Variants in FXN observed in about 807,000 individuals in gnomAD.
FXN encodes frataxin.
Under a neutral mutation model 22.4 loss-of-function variants are expected in FXN, and 14 were observed. That is an observed-to-expected ratio of 0.62 (90% CI 0.41 to 0.98). The LOEUF is 0.98. FXN is among the 50% of genes least tolerant of loss of function. The pLI, the probability that FXN is intolerant of heterozygous loss-of-function variation, is 0.00. For synonymous variants in FXN, 120 were observed against 114.1 expected (o/e 1.05, Z -0.33); for missense variants, 267 against 268.4 (o/e 0.99, Z 0.04).
chr9:69,078,261 T>C lies in FXN; in HGVS notation c.*5499T>C, dbSNP rs1564343971. The C allele has an allele frequency of 7.1e-6, 7 of 985,306 alleles. No homozygotes were observed. The highest frequency in any genetic ancestry group is 1.7e-5 in the African/African-American group (1 of 57,234). 61.0% of individuals were successfully genotyped at this position (985,306 alleles called of 1,614,324 possible). A position where few individuals can be genotyped will look rare whatever the true frequency, so the allele number is the denominator to read the frequency against. ...AAGTGAATGGTGCCACTGACAGTTA[T>C]GCAAACCGTCCAGAGCATAGCCACC... On this transcript the variant is annotated 3_prime_UTR_variant, in exon 5 of 5. Transcript: ENST00000484259.
chr9:69,054,797 G>A lies in FXN; in HGVS notation c.384+1537G>A, dbSNP rs147457654. The stretch of plus-strand genomic sequence containing the variant: ...GCTAGGATTACAGGTGTGAGCCACC[G>A]CGCCTGGCTCCTCAAAGATGTTAAT... On this transcript the variant is annotated intron_variant, in intron 3 of 4. Coordinates refer to ENST00000484259, the MANE Select transcript of FXN (RefSeq NM_000144.5). Among the ~76,000 whole-genome samples, 881 of 152,272 alleles carry A rather than the reference G, an allele frequency of 5.8e-3. 3 individuals are homozygous for A. Among genetic ancestry groups the A allele is most frequent in the African/African-American group, 0.014 (567 of 41,546 alleles).
chr9:69,060,363 T>C (rs1192313630), intron 3 of FXN, among the ~76,000 whole-genome samples: 1 of 145,132 alleles, frequency 6.9e-6, no homozygotes, highest in East Asian at 2.0e-4. Context: ...AGAGCGAGAC[T>C]CCATCTCAAA....
chr9:69,042,300 C>T (rs1486325639), intron 1 of FXN, among the ~76,000 whole-genome samples: 3 of 151,944 alleles, frequency 2.0e-5, no homozygotes, highest in Non-Finnish European at 2.9e-5. Context: ...CTTTGCCTCC[C>T]TCAAGCAGAA....
At chr9:69,066,234 A>G (rs1219705202) in intron 4 of FXN, among the ~76,000 whole-genome samples, 1 of 152,252 alleles carries the variant, frequency 6.6e-6, no homozygotes, top group Non-Finnish European at 1.5e-5. Context: ...AGATAAAACT[A>G]GCATAGAATT....
intron 3 of FXN, among the ~76,000 whole-genome samples, chr9:69,058,705 G>A (rs1832008396): frequency 6.6e-6 from 1 of 152,148 alleles, no homozygotes; most frequent in African/African-American, 2.4e-5. Context: ...AGACTCCACG[G>A]TGTGCCACGT....
intron 2 of FXN, among the ~76,000 whole-genome samples, chr9:69,046,885 G>T (rs1432227075): frequency 1.3e-5 from 2 of 152,122 alleles, no homozygotes; most frequent in African/African-American, 4.8e-5. Context: ...CTTCCAGTTT[G>T]GTCTTTATCT....
rs575394221 is a variant in FXN, at chr9:69,077,882, A to G, written c.*5120A>G. ...GTGGTGGAGGTTGCAGTGAGCCGAG[A>G]TTACACCACTGCACTCCAGCCTGGG... On this transcript the variant is annotated 3_prime_UTR_variant, in exon 5 of 5. Coordinates refer to ENST00000484259, the MANE Select transcript of FXN (RefSeq NM_000144.5). 1 of 897,786 alleles carries G rather than the reference A, an allele frequency of 1.1e-6. No homozygotes were observed. Among genetic ancestry groups the G allele is most frequent in the East Asian group, 1.2e-4 (1 of 8,268 alleles). 55.6% of individuals were successfully genotyped at this position (897,786 alleles called of 1,614,324 possible). A position where few individuals can be genotyped will look rare whatever the true frequency, so the allele number is the denominator to read the frequency against.
Position 69,035,876 on chromosome 9 carries a change from G to C in FXN, c.94G>C (p.Glu32Gln), listed in dbSNP as rs555289797. 1.3e-6 allele frequency: 2 copies of C among 1,495,042 alleles called. No individual in the cohort carries two copies. The highest frequency in any genetic ancestry group is 1.5e-5 in the African/African-American group (1 of 68,768). The allele number at this position is 1,495,042 out of a possible 1,614,324, so 92.6% of individuals were successfully genotyped here. The change falls in exon 1 of 5, where the codon GAG becomes CAG. Residue 32 changes from glutamate to glutamine, a missense_variant. By Grantham distance (29) the Glu-to-Gln change is conservative. Transcript: ENST00000484259. Reference protein sequence around the residue: ...QTLTRVPRPAELAPLCGRRGL... With the variant: ...QTLTRVPRPAQLAPLCGRRGL... ...CCTCACCCGGGTCCCGCGGCCGGCA[G>C]AGTTGGCCCCACTCTGCGGCCGCCG...
intron 4 of FXN, among the ~76,000 whole-genome samples, chr9:69,068,906 A>G (rs1832221629): frequency 1.3e-5 from 2 of 152,198 alleles, no homozygotes; most frequent in African/African-American, 4.8e-5. Context: ...GGCCTCCTGA[A>G]CTTCCCCGAG....
chr9:69,046,604 A>G, intron 2 of FXN, 122 bp downstream of exon 2: 1 of 718,130 alleles, frequency 1.4e-6, no homozygotes, highest in South Asian at 1.5e-5. Flanking sequence ...GTGACTGAGT[A>G]TCCACCACAT....
chr9:69,049,143 G>A (rs1418718228), intron 2 of FXN, among the ~76,000 whole-genome samples: 1 of 152,162 alleles, frequency 6.6e-6, no homozygotes, highest in Non-Finnish European at 1.5e-5. Flanking sequence ...TAGGAAGACA[G>A]CCCGCTTCTG....
chr9:69,074,784 C>A lies in FXN; in HGVS notation c.*2022C>A. On this transcript the variant is annotated 3_prime_UTR_variant, in exon 5 of 5. Coordinates refer to ENST00000484259, the MANE Select transcript of FXN (RefSeq NM_000144.5). The stretch of plus-strand genomic sequence containing the variant: ...AATAATAAAACAGTATAAACAAAAG[C>A]TAAATAGGTAAAATATTTTTTCTGA... 1.1e-6 allele frequency: 1 copy of A among 921,002 alleles called. No individual in the cohort carries two copies. Among genetic ancestry groups the A allele is most frequent in the African/African-American group, 1.8e-5 (1 of 55,994 alleles). The allele number at this position is 921,002 out of a possible 1,614,324, so 57.1% of individuals were successfully genotyped here.
At chr9:69,059,326 G>A (rs1305506307) in intron 3 of FXN, among the ~76,000 whole-genome samples, 6 of 150,064 alleles carry the variant, frequency 4.0e-5, no homozygotes, top group African/African-American at 1.5e-4. Context: ...CTTCAAGCTG[G>A]AAGTGTCTGC....
At position 69,053,202 on chromosome 9, in the gene FXN, T is replaced by G; in HGVS notation, c.326T>G (p.Phe109Cys). The G allele has an allele frequency of 6.2e-7, 1 of 1,613,890 alleles. No individual in the cohort carries two copies. The highest frequency in any genetic ancestry group is 8.5e-7 in the Non-Finnish European group (1 of 1,179,958). The change falls in exon 3 of 5, where the codon TTT (phenylalanine) becomes TGT (cysteine). Residue 109 changes from phenylalanine to cysteine, a missense_variant. Transcript: ENST00000484259. ...GAAACGCTGGACTCTTTAGCAGAGTTTTTTGAAGACCTTGCAGACAAGCCA... is the reference window on the plus strand; with the variant it reads ...GAAACGCTGGACTCTTTAGCAGAGTGTTTTGAAGACCTTGCAGACAAGCCA... ...AEETLDSLAE[F>C]FEDLADKPYT...
rs1057385345 is a variant in FXN, at chr9:69,078,757, G to T, written c.*5995G>T. The T allele has an allele frequency of 2.0e-6, 2 of 985,486 alleles. No individual in the cohort carries two copies. The highest frequency in any genetic ancestry group is 6.1e-5 in the Admixed American group (1 of 16,262). The allele number at this position is 985,486 out of a possible 1,614,324, so 61.0% of individuals were successfully genotyped here. A position where few individuals can be genotyped will look rare whatever the true frequency, so the allele number is the denominator to read the frequency against. ...CTTTATTCCCCACATCTCTGCCTGG[G>T]GGGTAGATTCTACCCTGAAAAATGT... On this transcript the variant is annotated 3_prime_UTR_variant, in exon 5 of 5. Coordinates refer to ENST00000484259, the MANE Select transcript of FXN (RefSeq NM_000144.5).
intron 2 of FXN, among the ~76,000 whole-genome samples, chr9:69,048,998 C>G (rs1021505494): frequency 2.0e-5 from 3 of 152,222 alleles, no homozygotes; most frequent in African/African-American, 7.2e-5. Flanking sequence ...TCCGGCATTC[C>G]TCCCCCAGCA....
Position 69,053,144 on chromosome 9 carries a change from C to T in FXN, c.268C>T (p.Leu90=), listed in dbSNP as rs573759998. 4.3e-6 allele frequency: 7 copies of T among 1,613,890 alleles called. No individual in the cohort carries two copies. The African/African-American group carries it at 9.3e-5, about 22-fold the overall frequency. The change falls in exon 3 of 5, where the codon CTA becomes TTA. Residue 90 remains leucine, a synonymous_variant. Coordinates refer to ENST00000484259, the MANE Select transcript of FXN (RefSeq NM_000144.5). ...KSGTLGHPGS[L]DETTYERLAE... is the part of the protein sequence containing the mutation. Reference sequence around the variant, plus strand: ...GGTTTTGTGCTTCCTCTGCAGCTCTCTAGATGAGACCACCTATGAAAGACT... The same window carrying T: ...GGTTTTGTGCTTCCTCTGCAGCTCTTTAGATGAGACCACCTATGAAAGACT...
At chr9:69,054,381 C>T (rs573170325) in intron 3 of FXN, among the ~76,000 whole-genome samples, 2 of 152,260 alleles carry the variant, frequency 1.3e-5, no homozygotes, top group South Asian at 4.1e-4. Context: ...ATCGACTGGC[C>T]ACCAGGTGGC....
chr9:69,044,121 G>A (rs777309330), intron 1 of FXN, among the ~76,000 whole-genome samples: 17 of 152,182 alleles, frequency 1.1e-4, no homozygotes, highest in Non-Finnish European at 2.4e-4. Context: ...GTTGTGACCA[G>A]CAGCTTACAG....
Sources: allele counts gnomAD v4.1 joint callset (sites outside exome capture counted in the v4.1 genomes callset), GRCh38; gene constraint gnomAD v4.1.1; transcripts MANE v1.5; gene names NCBI Gene and HGNC (gene_info 2026-07-23, HGNC 2026-07-21).